ATP6V1E1: variants seen among roughly 807,000 people sequenced by gnomAD.
ATP6V1E1 encodes the protein ATPase H+ transporting V1 subunit E1, also known as V-type proton ATPase subunit E 1.
A neutral mutation model predicts 35.2 loss-of-function variants in ATP6V1E1; 21 were observed. The observed-to-expected ratio is 0.60, with a 90% CI of 0.42 to 0.86. The LOEUF (loss-of-function observed/expected upper bound fraction) is 0.86, where lower values mean the gene tolerates loss of function less well. Among genes scored for constraint, ATP6V1E1 ranks in the 40% least tolerant of loss-of-function variants. The probability of loss-of-function intolerance (pLI) is 0.00; values close to 1 mark genes in which losing one functional copy is unlikely to be tolerated. For synonymous variants in ATP6V1E1, 83 were observed against 87.8 expected, an observed-to-expected ratio of 0.95 and a Z score of 0.30; for missense variants, 183 against 272.6, an observed-to-expected ratio of 0.67 and a Z score of 2.32.
chr22:17,615,190 A>T (rs1266197974), intron 2 of ATP6V1E1, among the ~76,000 whole-genome samples: 3 of 151,858 alleles, frequency 2.0e-5, no homozygotes, highest in Non-Finnish European at 4.4e-5. Flanking sequence ...AGTTCAAGAT[A>T]CTTGGGAGGC....
At chr22:17,608,163 CATGGG>C (rs1252545919) in intron 4 of ATP6V1E1, among the ~76,000 whole-genome samples, 1 of 152,154 alleles carries the variant, frequency 6.6e-6, no homozygotes, top group Non-Finnish European at 1.5e-5. Flanking sequence ...ATACAGGACA[CATGGG>C]ATAAATGTAC....
At chr22:17,605,940 A>T (rs547441895) in intron 4 of ATP6V1E1, among the ~76,000 whole-genome samples, 1 of 151,770 alleles carries the variant, frequency 6.6e-6, no homozygotes, top group Admixed American at 6.6e-5. Context: ...GATTATAGGC[A>T]TGGGGGATGG....
At chr22:17,593,278 A>G (rs961709309) in intron 8 of ATP6V1E1, among the ~76,000 whole-genome samples, 3 of 150,704 alleles carry the variant, frequency 2.0e-5, no homozygotes, top group South Asian at 4.2e-4. Context: ...ATTAAAAAAA[A>G]ACAAAACAAA....
At chr22:17,628,524 G>A in intron 1 of ATP6V1E1, 79 bp downstream of exon 1, 2 of 1,596,144 alleles carry the variant, frequency 1.3e-6, no homozygotes, top group Non-Finnish European at 1.7e-6. Context: ...CTCAAGGCCC[G>A]CGGCCTTCCC....
Position 17,599,451 on chromosome 22 carries a change from C to T in ATP6V1E1, c.435+576G>A, listed in dbSNP as rs374234624. On this transcript the variant is annotated intron_variant, in intron 6 of 8. Coordinates refer to ENST00000253413, the MANE Select transcript of ATP6V1E1 (RefSeq NM_001696.4). ...ATTAGCCAGGCATGGTGGTGCATGC[C>T]TGTAATCCCAGCTACTTGGGAGGCT... is the stretch of plus-strand genomic sequence containing the variant. Among the ~76,000 whole-genome samples, 917 of 149,762 alleles carry T rather than the reference C, an allele frequency of 6.1e-3. 12 individuals carry two copies. The highest frequency in any genetic ancestry group is 0.021 in the African/African-American group (874 of 40,702).
chr22:17,598,828 A>T (rs1362945480), intron 6 of ATP6V1E1, among the ~76,000 whole-genome samples: 1 of 152,238 alleles, frequency 6.6e-6, no homozygotes, highest in African/African-American at 2.4e-5. Context: ...CTGGGTATAC[A>T]GACAAACGGA....
intron 1 of ATP6V1E1, among the ~76,000 whole-genome samples, chr22:17,627,827 A>AG (rs934246614): frequency 6.7e-6 from 1 of 149,486 alleles, no homozygotes; most frequent in African/African-American, 2.5e-5. Context: ...TCAAAAAAAA[A>AG]AAAAAGAAAA....
chr22:17,598,389 A>T, intron 6 of ATP6V1E1, 101 bp from the exon 7 acceptor site: 1 of 957,690 alleles, frequency 1.0e-6, no homozygotes, highest in Non-Finnish European at 1.6e-6. Flanking sequence ...CATTTATCCC[A>T]GGTAAAAGAA....
At chr22:17,610,590 G>C (rs1014717938) in intron 4 of ATP6V1E1, among the ~76,000 whole-genome samples, 1 of 152,184 alleles carries the variant, frequency 6.6e-6, no homozygotes, top group African/African-American at 2.4e-5. Context: ...CTATAACCTT[G>C]TGTGTTATAG....
At position 17,598,177 on chromosome 22, in the gene ATP6V1E1, G is replaced by T. The variant is rs1367520851; in HGVS notation, c.530+17C>A. On this transcript the variant is annotated intron_variant, in intron 7 of 8. Coordinates refer to ENST00000253413, the MANE Select transcript of ATP6V1E1 (RefSeq NM_001696.4). ...CAGGGAGAGAAGGTAGCTGTTAGCA[G>T]CAGGAATACTCCTTACATGTCTTCA... The T allele has an allele frequency of 1.3e-6, 2 of 1,590,654 alleles. No homozygotes were observed. Among genetic ancestry groups the T allele is most frequent in the South Asian group, 2.2e-5 (2 of 90,490 alleles).
At chr22:17,614,795 C>T (rs1218444139) in intron 2 of ATP6V1E1, among the ~76,000 whole-genome samples, 3 of 151,418 alleles carry the variant, frequency 2.0e-5, no homozygotes, top group South Asian at 2.1e-4. Context: ...GGTGAAACCC[C>T]GTCTCTACTA....
chr22:17,614,017 C>T (rs1405422835), intron 2 of ATP6V1E1, among the ~76,000 whole-genome samples: 1 of 151,638 alleles, frequency 6.6e-6, no homozygotes, highest in African/African-American at 2.4e-5. Flanking sequence ...GTCGAGTAAC[C>T]TCAGGCTTAG....
At position 17,598,370 on chromosome 22, in the gene ATP6V1E1, G is replaced by A. The variant is rs2287228; in HGVS notation, c.436-82C>T. 137,780 of 1,097,224 alleles carry A rather than the reference G, an allele frequency of 0.13. 9,550 individuals are homozygous for A. The highest frequency in any genetic ancestry group is 0.14 in the Non-Finnish European group (105,868 of 732,484). 68.0% of individuals were successfully genotyped at this position (1,097,224 alleles called of 1,614,324 possible). On this transcript the variant is annotated intron_variant, in intron 6 of 8. Coordinates refer to ENST00000253413, the MANE Select transcript of ATP6V1E1 (RefSeq NM_001696.4). ...AAAACTCAACAGACTATACAAGCAA[G>A]GATACCTCCATTTATCCCAGGTAAA...
chr22:17,626,300 T>G (rs1336181659), intron 1 of ATP6V1E1, among the ~76,000 whole-genome samples: 1 of 118,694 alleles, frequency 8.4e-6, no homozygotes, highest in Non-Finnish European at 1.7e-5. Context: ...AGAGCGAGAC[T>G]TCGTCTCAAA....
intron 1 of ATP6V1E1, among the ~76,000 whole-genome samples, chr22:17,627,778 C>T (rs1448045878): frequency 6.8e-6 from 1 of 147,738 alleles, no homozygotes; most frequent in East Asian, 2.1e-4. Flanking sequence ...GAGATCGCGC[C>T]CTTGCACTCC....
chr22:17,614,942 G>A lies in ATP6V1E1; in HGVS notation c.100-1622C>T, dbSNP rs111883180. ...CGAGATCGCGCCTGGGCAGCAGAGC[G>A]AGACACCGTTTCAAAAAAAAAAAAA... On this transcript the variant is annotated intron_variant, in intron 2 of 8. Transcript: ENST00000253413. 8.1e-3 allele frequency among the ~76,000 whole-genome samples: 1,178 copies of A among 146,176 alleles called. 14 individuals are homozygous for A. The highest frequency in any genetic ancestry group is 0.027 in the African/African-American group (1,068 of 38,852).
At chr22:17,595,513 G>T (rs961503357) in intron 7 of ATP6V1E1, among the ~76,000 whole-genome samples, 2 of 152,044 alleles carry the variant, frequency 1.3e-5, no homozygotes, top group African/African-American at 4.8e-5. Context: ...GCCCTATCAC[G>T]ACTGCATGTG....
At chr22:17,602,216 T>C (rs2057765226) in intron 4 of ATP6V1E1, among the ~76,000 whole-genome samples, 1 of 152,130 alleles carries the variant, frequency 6.6e-6, no homozygotes, top group African/African-American at 2.4e-5. Flanking sequence ...CTCAATTTTC[T>C]TGGTTAGTTT....
chr22:17,593,967 C>A (rs2057717769), intron 8 of ATP6V1E1, among the ~76,000 whole-genome samples: 1 of 152,184 alleles, frequency 6.6e-6, no homozygotes, highest in Non-Finnish European at 1.5e-5. Flanking sequence ...CTTTGGGAGG[C>A]CAAGGCGGGT....
Sources: gnomAD v4.1 joint callset for allele counts (sites outside exome capture counted in the v4.1 genomes callset) on GRCh38, gnomAD v4.1.1 for gene constraint, MANE v1.5 for transcripts, NCBI Gene and HGNC (gene_info 2026-07-23, HGNC 2026-07-21) for gene names.